The following TLK2 variants were observed in gnomAD, a reference collection of about 807,000 sequenced individuals.
The protein encoded by TLK2 is serine/threonine-protein kinase tousled-like 2.
In TLK2, 6 loss-of-function variants were observed where a neutral mutation model predicts 117.3. That is an observed-to-expected ratio of 0.05 (90% CI 0.03 to 0.10). The LOEUF (loss-of-function observed/expected upper bound fraction) is 0.10, where lower values mean the gene tolerates loss of function less well. Among genes scored for constraint, TLK2 ranks in the 10% least tolerant of loss-of-function variants. The pLI, the probability that TLK2 is intolerant of heterozygous loss-of-function variation, is 1.00. For synonymous variants in TLK2, 257 were observed against 316.7 expected (o/e 0.81, Z 2.00); for missense variants, 299 against 901.2 (o/e 0.33, Z 8.56).
At chr17:62,582,362 C>T (rs2081285326) in intron 15 of TLK2, among the ~76,000 whole-genome samples, 1 of 152,098 alleles carries the variant, frequency 6.6e-6, no homozygotes. Flanking sequence ...ATTACAGCCA[C>T]CATGCTTGGC....
chr17:62,536,517 G>T (rs1296503290), intron 7 of TLK2, among the ~76,000 whole-genome samples, 180 bp downstream of exon 7: 1 of 151,698 alleles, frequency 6.6e-6, no homozygotes, highest in Admixed American at 6.6e-5. Context: ...TAAATATATT[G>T]TGTTTTTCCC....
chr17:62,581,356 A>G (rs1377331466), intron 15 of TLK2, among the ~76,000 whole-genome samples: 2 of 151,962 alleles, frequency 1.3e-5, no homozygotes, highest in Non-Finnish European at 2.9e-5. Flanking sequence ...GTGTTGTGCG[A>G]CTGACATCAC....
upstream of TLK2, among the ~76,000 whole-genome samples, chr17:62,474,684 A>G (rs532207212): frequency 6.7e-6 from 1 of 148,576 alleles, no homozygotes; most frequent in Non-Finnish European, 1.5e-5. Context: ...CTGGTATTAC[A>G]GGTGTTGAGC....
chr17:62,519,585 G>A (rs1170240823), intron 2 of TLK2, among the ~76,000 whole-genome samples: 2 of 152,070 alleles, frequency 1.3e-5, no homozygotes, highest in African/African-American at 4.8e-5. Flanking sequence ...AGGCGGAGGC[G>A]GGTGGATCAC....
chr17:62,471,309 T>G (rs931017121), intron 1 of TLK2, among the ~76,000 whole-genome samples: 2 of 152,132 alleles, frequency 1.3e-5, no homozygotes, highest in African/African-American at 4.8e-5. Flanking sequence ...AATAGGGCAT[T>G]TGACAAATGC....
At chr17:62,583,252 C>T (rs1005812223) in intron 15 of TLK2, among the ~76,000 whole-genome samples, 2 of 152,040 alleles carry the variant, frequency 1.3e-5, no homozygotes, top group African/African-American at 4.8e-5. Context: ...ACCACCAAGC[C>T]CAGCTATTTT....
intron 2 of TLK2, among the ~76,000 whole-genome samples, chr17:62,505,682 C>G (rs1216613312): frequency 6.6e-6 from 1 of 151,514 alleles, no homozygotes; most frequent in Non-Finnish European, 1.5e-5. Flanking sequence ...GCTATGTCAC[C>G]CAGAATGTTG....
chr17:62,479,362 C>G lies in TLK2; in HGVS notation c.-6+72C>G, dbSNP rs2071326229. On this transcript the variant is annotated intron_variant, in intron 1 of 21. Coordinates refer to ENST00000346027, the MANE Select transcript of TLK2 (RefSeq NM_006852.6). ...TTAACCGTCCTGGGGACCCCTTTGG[C>G]CTGAGGAGCCTGCGACCTGGGCCCA... 3 of 153,344 alleles carry G rather than the reference C, an allele frequency of 2.0e-5. No homozygotes were observed. In the South Asian group the frequency reaches 5.3e-4, roughly 27 times the overall value. The allele number at this position is 153,344 out of a possible 1,614,324, so 9.5% of individuals were successfully genotyped here. A position where few individuals can be genotyped will look rare whatever the true frequency, so the allele number is the denominator to read the frequency against.
chr17:62,601,954 A>G (rs2082905135), intron 18 of TLK2, 88 bp from the exon 19 acceptor site: 9 of 1,198,322 alleles, frequency 7.5e-6, no homozygotes, highest in Non-Finnish European at 1.0e-5. Flanking sequence ...GTTTGAGTTC[A>G]GTTGTCCCCT....
chr17:62,556,584 C>G (rs1374357373), intron 9 of TLK2, among the ~76,000 whole-genome samples: 2 of 152,152 alleles, frequency 1.3e-5, no homozygotes, highest in East Asian at 3.8e-4. Context: ...CGCATTCTCT[C>G]TCTCTGTTTC....
chr17:62,478,753 A>AT (rs1555583109), upstream of TLK2, among the ~76,000 whole-genome samples: 1 of 12,412 alleles, frequency 8.1e-5, no homozygotes, highest in Non-Finnish European at 4.7e-4. Flanking sequence ...CCCCCCCAGG[A>AT]CCCCCCCCGC....
At chr17:62,571,406 A>G (rs1046605663) in intron 11 of TLK2, among the ~76,000 whole-genome samples, 33 of 152,224 alleles carry the variant, frequency 2.2e-4, no homozygotes, top group Non-Finnish European at 7.3e-5. Context: ...GTACATATTC[A>G]GTATAGATGC....
chr17:62,514,913 T>TC (rs1311849574), intron 2 of TLK2, among the ~76,000 whole-genome samples: 1 of 152,228 alleles, frequency 6.6e-6, no homozygotes, highest in South Asian at 2.1e-4. Context: ...ATCTTAACCA[T>TC]TTTTAAGTGT....
chr17:62,541,269 C>G (rs577630325), intron 7 of TLK2, among the ~76,000 whole-genome samples: 1 of 152,170 alleles, frequency 6.6e-6, no homozygotes, highest in African/African-American at 2.4e-5. Flanking sequence ...GACTTCCCCC[C>G]ACTGGAATGT....
intron 13 of TLK2, among the ~76,000 whole-genome samples, chr17:62,577,291 A>G (rs1204504554): frequency 1.3e-5 from 2 of 152,102 alleles, no homozygotes; most frequent in Non-Finnish European, 2.9e-5. Flanking sequence ...AGTCAATTCC[A>G]GCAACCCAAT....
At position 62,547,335 on chromosome 17, in the gene TLK2, G is replaced by C. The variant is rs370742338; in HGVS notation, c.532-4967G>C. On this transcript the variant is annotated intron_variant, in intron 7 of 21. Transcript: ENST00000346027. ...ATTAGAGTGATTAGGTGTTGGCATG[G>C]ATTTTTTTTTTTTTTCTTTTTGGTA... Among the ~76,000 whole-genome samples, 522 of 151,224 alleles carry C rather than the reference G, an allele frequency of 3.5e-3. 6 individuals are homozygous for C. The highest frequency in any genetic ancestry group is 0.012 in the African/African-American group (506 of 41,328).
At chr17:62,575,075 A>G (rs1399737171) in intron 12 of TLK2, among the ~76,000 whole-genome samples, 2 of 152,206 alleles carry the variant, frequency 1.3e-5, no homozygotes, top group Non-Finnish European at 2.9e-5. Flanking sequence ...ATGCTAATGC[A>G]CAAAACCATT....
intron 20 of TLK2, 47 bp downstream of exon 20, chr17:62,606,288 C>A: frequency 2.3e-6 from 2 of 881,158 alleles, no homozygotes; most frequent in Non-Finnish European, 1.7e-6. Flanking sequence ...TCTTGGGTGG[C>A]ACACACACAC....
chr17:62,478,267 T>G (rs866600005), upstream of TLK2, among the ~76,000 whole-genome samples: 1 of 148,610 alleles, frequency 6.7e-6, no homozygotes, highest in East Asian at 2.1e-4. Flanking sequence ...TCCTCTAAAC[T>G]CCATCCCTGG....
Sources: gnomAD v4.1 joint callset for allele counts (sites outside exome capture counted in the v4.1 genomes callset) on GRCh38, gnomAD v4.1.1 for gene constraint, MANE v1.5 for transcripts, NCBI Gene and HGNC (gene_info 2026-07-23, HGNC 2026-07-21) for gene names.